The following DAPK1 variants were observed in gnomAD, a reference collection of about 807,000 sequenced individuals.
DAPK1 encodes death associated protein kinase 1.
DAPK1 carries 56 observed loss-of-function variants against 144.9 expected under a neutral mutation model. The observed-to-expected ratio is 0.39, with a 90% confidence interval of 0.31 to 0.48. DAPK1 has a LOEUF of 0.48. Ranked by LOEUF, DAPK1 falls within the 20% of genes least tolerant of loss-of-function variation. The pLI is 0.95. For synonymous variants in DAPK1, 690 were observed against 749.0 expected (o/e 0.92, Z 1.29); for missense variants, 1,454 against 1,875.4 (o/e 0.78, Z 4.15).
In DAPK1 at chr9:87,603,546, G is replaced by A. The variant is rs560336282; in HGVS notation, c.63-1408G>A. 1.4e-4 allele frequency among the ~76,000 whole-genome samples: 21 copies of A among 152,266 alleles called. No homozygotes were observed. The East Asian group carries it at 3.3e-3, about 24-fold the overall frequency. ...CCTACTGCTAAAGTAAATGAGTAAC[G>A]TTTTAAAGTATCCATTCTTTAACAT... On this transcript the variant is annotated intron_variant, in intron 2 of 25. Transcript: ENST00000408954.
intron 18 of DAPK1, among the ~76,000 whole-genome samples, chr9:87,660,030 G>C (rs986317968): frequency 3.3e-5 from 5 of 152,160 alleles, no homozygotes; most frequent in African/African-American, 1.2e-4. Flanking sequence ...GGGGCTGGGG[G>C]CGCCCCTGCG....
intron 21 of DAPK1, among the ~76,000 whole-genome samples, chr9:87,693,516 CTTG>C (rs1170912049): frequency 6.6e-6 from 1 of 151,968 alleles, no homozygotes; most frequent in Non-Finnish European, 1.5e-5. Context: ...CCTCACTGAA[CTTG>C]TTTAATGTCA....
intron 2 of DAPK1, among the ~76,000 whole-genome samples, chr9:87,589,440 A>C (rs538434990): frequency 6.6e-6 from 1 of 152,268 alleles, no homozygotes; most frequent in South Asian, 2.1e-4. Flanking sequence ...CCCAGACTCG[A>C]GCACAGGAGC....
chr9:87,685,057 C>G (rs1035386471), intron 20 of DAPK1, among the ~76,000 whole-genome samples: 3 of 152,198 alleles, frequency 2.0e-5, no homozygotes, highest in African/African-American at 7.2e-5. Context: ...GGCAACCCAG[C>G]AGCTTTTGCA....
intron 16 of DAPK1, 23 bp downstream of exon 16, chr9:87,650,141 T>A (rs36214015): frequency 6.2e-7 from 1 of 1,612,918 alleles, no homozygotes; most frequent in African/African-American, 1.3e-5. Context: ...GGAAGACTCA[T>A]ATGCACTGGG....
chr9:87,518,869 C>T (rs1204709409), intron 2 of DAPK1, among the ~76,000 whole-genome samples: 1 of 151,870 alleles, frequency 6.6e-6, no homozygotes, highest in Non-Finnish European at 1.5e-5. Flanking sequence ...GTAAAATCAG[C>T]CACCCCTTCA....
intron 2 of DAPK1, among the ~76,000 whole-genome samples, chr9:87,547,599 G>T (rs1033452977): frequency 4.6e-5 from 7 of 152,038 alleles, no homozygotes; most frequent in Non-Finnish European, 8.8e-5. Flanking sequence ...GTGTGTGTGT[G>T]TGTGTGCGTG....
chr9:87,638,121 A>G (rs769679315), intron 4 of DAPK1, 40 bp downstream of exon 4: 1 of 1,559,282 alleles, frequency 6.4e-7, no homozygotes, highest in South Asian at 1.2e-5. Flanking sequence ...GCTTGTGCAG[A>G]TCACAGCCTT....
chr9:87,511,577 G>C (rs946770786), intron 2 of DAPK1, among the ~76,000 whole-genome samples: 6 of 152,180 alleles, frequency 3.9e-5, no homozygotes, highest in African/African-American at 1.2e-4. Context: ...TCATCCTGGT[G>C]TTACAGGGAA....
In DAPK1 at chr9:87,592,017, A is replaced by G. The variant is rs1009305215; in HGVS notation, c.63-12937A>G. Among the ~76,000 whole-genome samples, 42 of 152,272 alleles carry G rather than the reference A, an allele frequency of 2.8e-4. 1 individual carries two copies. The highest frequency in any genetic ancestry group is 9.9e-4 in the African/African-American group (41 of 41,554). On this transcript the variant is annotated intron_variant, in intron 2 of 25. Transcript: ENST00000408954. Reference sequence around the variant, plus strand: ...GTAGACCGTCCTCCGCTCCAGGGCCATTGCCACCATTTCCTTTAGGCCCCA... The same window carrying G: ...GTAGACCGTCCTCCGCTCCAGGGCCGTTGCCACCATTTCCTTTAGGCCCCA...
chr9:87,676,303 C>A (rs917161174), intron 19 of DAPK1, among the ~76,000 whole-genome samples: 1 of 152,244 alleles, frequency 6.6e-6, no homozygotes, highest in Non-Finnish European at 1.5e-5. Flanking sequence ...GTCTTCCTAG[C>A]ACCTTCTAGA....
intron 2 of DAPK1, among the ~76,000 whole-genome samples, chr9:87,518,358 C>A (rs1481714316): frequency 6.7e-6 from 1 of 149,760 alleles, no homozygotes; most frequent in Non-Finnish European, 1.5e-5. Context: ...GAACTCCTGA[C>A]CTCTGGTGAT....
intron 2 of DAPK1, among the ~76,000 whole-genome samples, chr9:87,523,103 G>A (rs975167839): frequency 6.6e-6 from 1 of 151,948 alleles, no homozygotes; most frequent in Non-Finnish European, 1.5e-5. Context: ...TGTGAAACTT[G>A]TCATTTTAAC....
At chr9:87,608,765 G>A (rs759067961) in intron 3 of DAPK1, among the ~76,000 whole-genome samples, 5 of 152,228 alleles carry the variant, frequency 3.3e-5, no homozygotes, top group Non-Finnish European at 7.3e-5. Flanking sequence ...TGGAGTGAGC[G>A]GGAGGGCCCT....
intron 2 of DAPK1, among the ~76,000 whole-genome samples, chr9:87,584,524 T>G (rs1387450302): frequency 6.6e-6 from 1 of 152,200 alleles, no homozygotes; most frequent in Non-Finnish European, 1.5e-5. Flanking sequence ...TTGTGGAACC[T>G]CCAGATTGTT....
chr9:87,702,917 T>C, intron 24 of DAPK1, 112 bp from the exon 25 acceptor site: 1 of 640,638 alleles, frequency 1.6e-6, no homozygotes, highest in Non-Finnish European at 2.9e-6. Flanking sequence ...ACCCACTCGT[T>C]CATCAAATCA....
intron 19 of DAPK1, among the ~76,000 whole-genome samples, chr9:87,672,551 G>T (rs2119294961): frequency 6.6e-6 from 1 of 152,240 alleles, no homozygotes; most frequent in African/African-American, 2.4e-5. Context: ...CTTCCCATGG[G>T]GAGGCCCAGG....
At chr9:87,563,469 AT>A (rs1338883714) in intron 2 of DAPK1, among the ~76,000 whole-genome samples, 1 of 152,194 alleles carries the variant, frequency 6.6e-6, no homozygotes, top group Non-Finnish European at 1.5e-5. Context: ...TCCCTGTTGC[AT>A]CTTGGCTTGA....
intron 2 of DAPK1, among the ~76,000 whole-genome samples, chr9:87,571,460 C>CCA (rs1564000685): frequency 1.5e-5 from 1 of 66,128 alleles, no homozygotes; most frequent in South Asian, 5.5e-4. Context: ...CACACACACA[C>CCA]ACACACACAC....
Sources: allele counts gnomAD v4.1 joint callset (sites outside exome capture counted in the v4.1 genomes callset), GRCh38; gene constraint gnomAD v4.1.1; transcripts MANE v1.5; gene names NCBI Gene and HGNC (gene_info 2026-07-23, HGNC 2026-07-21).